Variants in IL19 observed in about 807,000 individuals in gnomAD.
IL19 encodes the protein interleukin-19.
A neutral mutation model predicts 19.5 loss-of-function variants in IL19; 15 were observed. The ratio of observed to expected loss-of-function variants is 0.77; its 90% confidence interval spans 0.52 to 1.19. IL19 has a LOEUF of 1.19. Ranked by LOEUF, IL19 falls within the 50% of genes most tolerant of loss-of-function variation. The pLI is 0.00. For missense variants in IL19, 199 were observed against 213.1 expected (o/e 0.93, Z 0.41); for synonymous variants, 78 against 78.3 (o/e 1.00, Z 0.02).
Position 206,841,016 on chromosome 1 carries a change from C to T in IL19, c.376C>T (p.Gln126Ter). The T allele has an allele frequency of 2.5e-6, 4 of 1,613,924 alleles. No individual in the cohort carries two copies. The highest frequency in any genetic ancestry group is 3.4e-6 in the Non-Finnish European group (4 of 1,179,816). Residue 126 changes from glutamine to a stop codon, truncating the protein, a stop_gained, in exon 6 of 7, where the codon CAG becomes TAG. Transcript: ENST00000659997. LOFTEE classifies it high-confidence loss of function. ...CACTTTATCACAGCAGGAACAGAGG[C>T]AGTGTCACTGCAGGCAGGAAGCCAC... ...KTLRQCQEQR[Q>*]CHCRQEATNA...
intron 1 of IL19, among the ~76,000 whole-genome samples, chr1:206,790,191 C>T (rs1306651637): frequency 6.6e-6 from 1 of 152,144 alleles, no homozygotes; most frequent in African/African-American, 2.4e-5. Context: ...ACTTCCACAC[C>T]GGCATCTATT....
chr1:206,772,473 C>T, intron 1 of IL19: 1 of 1,606,476 alleles, frequency 6.2e-7, no homozygotes, highest in Non-Finnish European at 8.5e-7. Context: ...TTTGGTTTTG[C>T]AAGAGCAAGC....
At chr1:206,779,739 T>G (rs1368992665) in intron 1 of IL19, among the ~76,000 whole-genome samples, 1 of 152,156 alleles carries the variant, frequency 6.6e-6, no homozygotes, top group Non-Finnish European at 1.5e-5. Flanking sequence ...CATCTGACAC[T>G]GCCTATCTCT....
In IL19 at chr1:206,829,877, A is replaced by C. The variant is rs1676542722; in HGVS notation, c.-2-6784A>C. On this transcript the variant is annotated intron_variant, in intron 2 of 6. Transcript: ENST00000659997. Reference sequence around the variant, plus strand: ...ACTTTGACCAAGATCCCTGTGGGCAAAAAAGGAGGAGGAGAAGGAAGTACA... The same window carrying C: ...ACTTTGACCAAGATCCCTGTGGGCACAAAAGGAGGAGGAGAAGGAAGTACA... 3.9e-5 allele frequency among the ~76,000 whole-genome samples: 6 copies of C among 152,324 alleles called. No individual in the cohort carries two copies. In the South Asian group the frequency reaches 1.2e-3, roughly 32 times the overall value.
chr1:206,833,401 A>G (rs1462254660), intron 2 of IL19, among the ~76,000 whole-genome samples: 4 of 152,216 alleles, frequency 2.6e-5, no homozygotes, highest in African/African-American at 4.8e-5. Context: ...ATTTCTCAGA[A>G]GGTTAGATAA....
intron 1 of IL19, among the ~76,000 whole-genome samples, chr1:206,785,381 T>C (rs1384764542): frequency 6.6e-6 from 1 of 152,152 alleles, no homozygotes; most frequent in Admixed American, 6.5e-5. Flanking sequence ...CTTTACGAAA[T>C]CACCAGCAAC....
rs557339350 is a variant in IL19, at chr1:206,839,895, G to A, written c.256G>A (p.Val86Met). 190 of 1,614,068 alleles carry A rather than the reference G, an allele frequency of 1.2e-4. 1 individual carries two copies. The highest frequency in any genetic ancestry group is 1.5e-4 in the Non-Finnish European group (177 of 1,179,940). Reference protein sequence around the residue: ...CVTKNLLAFYVDRVFKDHQEP... With the variant: ...CVTKNLLAFYMDRVFKDHQEP... ...GACCAAGAACCTCCTGGCGTTCTACGTGGACAGGGTGTTCAAGGATCATCA... is the reference window on the plus strand; with the variant it reads ...GACCAAGAACCTCCTGGCGTTCTACATGGACAGGGTGTTCAAGGATCATCA... Residue 86 changes from valine to methionine, a missense_variant, in exon 5 of 7, where the codon GTG becomes ATG. By Grantham distance (21) the Val-to-Met change is conservative. Transcript: ENST00000659997.
At chr1:206,787,615 A>C (rs780981947) in intron 1 of IL19, among the ~76,000 whole-genome samples, 2 of 152,172 alleles carry the variant, frequency 1.3e-5, no homozygotes, top group Admixed American at 6.5e-5. Flanking sequence ...TCCACCTTCA[A>C]TGAGTCTTGA....
chr1:206,805,251 T>C (rs887387004), intron 2 of IL19, among the ~76,000 whole-genome samples: 3 of 152,194 alleles, frequency 2.0e-5, no homozygotes, highest in African/African-American at 7.2e-5. Flanking sequence ...GTCCAATAAA[T>C]AGATTTTAGT....
At chr1:206,815,698 A>G (rs1017663777) in intron 2 of IL19, among the ~76,000 whole-genome samples, 1 of 152,224 alleles carries the variant, frequency 6.6e-6, no homozygotes, top group African/African-American at 2.4e-5. Flanking sequence ...AGTCATAACC[A>G]GACATATCTT....
intron 1 of IL19, chr1:206,771,521 T>C: frequency 1.1e-6 from 1 of 920,180 alleles, no homozygotes. Context: ...TAAATAAAAT[T>C]GGCTCTGGCC....
chr1:206,786,789 C>A (rs1457599963), intron 1 of IL19, among the ~76,000 whole-genome samples: 2 of 152,124 alleles, frequency 1.3e-5, no homozygotes, highest in Non-Finnish European at 2.9e-5. Context: ...CCTAGCTGAG[C>A]TAAAGGCCAC....
At chr1:206,773,499 T>C (rs1674913991) in intron 1 of IL19, among the ~76,000 whole-genome samples, 1 of 152,114 alleles carries the variant, frequency 6.6e-6, no homozygotes, top group African/African-American at 2.4e-5. Context: ...CAGGATTCCA[T>C]GGAGGCTGGA....
At chr1:206,784,226 C>T (rs1056998629) in intron 1 of IL19, among the ~76,000 whole-genome samples, 1 of 152,148 alleles carries the variant, frequency 6.6e-6, no homozygotes, top group Admixed American at 6.5e-5. Context: ...ATCAATAATC[C>T]AAGGGCTTGC....
chr1:206,801,384 C>T (rs544186114), intron 2 of IL19, among the ~76,000 whole-genome samples: 1 of 152,308 alleles, frequency 6.6e-6, no homozygotes, highest in East Asian at 1.9e-4. Context: ...ATGGAGGCAA[C>T]TTCCTGGACC....
At chr1:206,833,205 T>C (rs1434981739) in intron 2 of IL19, among the ~76,000 whole-genome samples, 1 of 152,244 alleles carries the variant, frequency 6.6e-6, no homozygotes. Context: ...AGTGGTCCCA[T>C]GAGCTGACAG....
At chr1:206,775,201 C>T (rs562080527) in intron 1 of IL19, among the ~76,000 whole-genome samples, 27 of 151,918 alleles carry the variant, frequency 1.8e-4, no homozygotes, top group Non-Finnish European at 3.1e-4. Context: ...GCACCACGCC[C>T]GGCTAAGTTT....
At chr1:206,772,296 G>T in intron 1 of IL19, 2 of 1,614,148 alleles carry the variant, frequency 1.2e-6, no homozygotes, top group Non-Finnish European at 1.7e-6. Flanking sequence ...TCTGCTGAAG[G>T]CATCTCGGAG....
At chr1:206,816,379 G>A (rs1676156983) in intron 2 of IL19, among the ~76,000 whole-genome samples, 1 of 152,212 alleles carries the variant, frequency 6.6e-6, no homozygotes, top group Non-Finnish European at 1.5e-5. Context: ...TAGCATAAAA[G>A]CTGGGAGTGA....
Sources: allele counts gnomAD v4.1 joint callset (sites outside exome capture counted in the v4.1 genomes callset), GRCh38; gene constraint gnomAD v4.1.1; transcripts MANE v1.5; gene names NCBI Gene and HGNC (gene_info 2026-07-23, HGNC 2026-07-21).